The following RAI14 variants were observed in gnomAD, a reference collection of about 807,000 sequenced individuals.
The protein encoded by RAI14 is ankycorbin.
A neutral mutation model predicts 115.4 loss-of-function variants in RAI14; 45 were observed. The ratio of observed to expected loss-of-function variants is 0.39; its 90% CI spans 0.31 to 0.50. RAI14 has a LOEUF of 0.50. Ranked by LOEUF, RAI14 falls within the 20% of genes least tolerant of loss-of-function variation. The pLI is 0.85. For synonymous variants in RAI14, 371 were observed against 415.4 expected (o/e 0.89, Z 1.30); for missense variants, 939 against 1,131.2 (o/e 0.83, Z 2.44).
chr5:34,786,725 C>T (rs571565346), intron 3 of RAI14, among the ~76,000 whole-genome samples: 9 of 152,096 alleles, frequency 5.9e-5, no homozygotes, highest in Non-Finnish European at 1.2e-4. Context: ...TGGGTTTGAG[C>T]CTCCACGTTG....
chr5:34,819,556 G>T (rs1756617426), intron 13 of RAI14, among the ~76,000 whole-genome samples: 1 of 152,114 alleles, frequency 6.6e-6, no homozygotes, highest in South Asian at 2.1e-4. Flanking sequence ...TGATCATAGG[G>T]TTTAATTCAT....
chr5:34,709,037 G>A (rs1233429321), intron 2 of RAI14, among the ~76,000 whole-genome samples: 1 of 151,356 alleles, frequency 6.6e-6, no homozygotes, highest in Non-Finnish European at 1.5e-5. Flanking sequence ...TAGCTAGGCG[G>A]GAGGAATGCT....
intron 2 of RAI14, among the ~76,000 whole-genome samples, chr5:34,702,934 G>C (rs954324486): frequency 9.2e-5 from 14 of 152,178 alleles, no homozygotes; most frequent in African/African-American, 2.4e-5. Flanking sequence ...TCGAACTCCT[G>C]ACCTCAGGTG....
chr5:34,779,096 C>T (rs1751274026), intron 3 of RAI14, among the ~76,000 whole-genome samples: 1 of 152,090 alleles, frequency 6.6e-6, no homozygotes, highest in Non-Finnish European at 1.5e-5. Flanking sequence ...TGTAATCCAT[C>T]ATATAAACAG....
At chr5:34,671,552 T>G (rs2149856224) in intron 1 of RAI14, among the ~76,000 whole-genome samples, 1 of 152,268 alleles carries the variant, frequency 6.6e-6, no homozygotes, top group South Asian at 2.1e-4. Flanking sequence ...GGGAAAAATC[T>G]TAATCATTAC....
intron 2 of RAI14, among the ~76,000 whole-genome samples, chr5:34,720,018 G>A (rs1223395481): frequency 6.6e-6 from 1 of 152,020 alleles, no homozygotes; most frequent in Non-Finnish European, 1.5e-5. Flanking sequence ...AATAATTATA[G>A]AAAAAGTTGT....
chr5:34,670,832 A>ATTAACAAGGT (rs1743561200), intron 1 of RAI14, among the ~76,000 whole-genome samples: 1 of 152,180 alleles, frequency 6.6e-6, no homozygotes, highest in Admixed American at 6.5e-5. Flanking sequence ...CCTCAGTCTC[A>ATTAACAAGGT]CCAGAGAACT....
At chr5:34,826,566 G>A (rs1757474187) in intron 16 of RAI14, 87 bp downstream of exon 16, 1 of 1,471,290 alleles carries the variant, frequency 6.8e-7, no homozygotes, top group Non-Finnish European at 9.1e-7. Flanking sequence ...AAGTGGGCGT[G>A]AACAAAAAGA....
At chr5:34,689,820 A>G (rs958222513) in intron 2 of RAI14, among the ~76,000 whole-genome samples, 2 of 152,128 alleles carry the variant, frequency 1.3e-5, no homozygotes, top group Non-Finnish European at 2.9e-5. Context: ...TGTGGTGAGC[A>G]AGAGATCACG....
chr5:34,826,580 C>T (rs1447232438), intron 16 of RAI14, 101 bp downstream of exon 16: 12 of 1,423,442 alleles, frequency 8.4e-6, no homozygotes, highest in Non-Finnish European at 1.1e-5. Context: ...AAAAAGATTC[C>T]CAGCCCAAAG....
At chr5:34,761,570 T>C (rs1748655117) in intron 3 of RAI14, among the ~76,000 whole-genome samples, 1 of 152,164 alleles carries the variant, frequency 6.6e-6, no homozygotes, top group East Asian at 1.9e-4. Flanking sequence ...TTCAAGGTCT[T>C]TCCTCTGGCT....
At chr5:34,828,925 T>C (rs748239222) in intron 16 of RAI14, among the ~76,000 whole-genome samples, 26 of 152,156 alleles carry the variant, frequency 1.7e-4, no homozygotes, top group Non-Finnish European at 3.4e-4. Flanking sequence ...AATAATAGGC[T>C]TTAAAAATTA....
In RAI14 at chr5:34,757,497, G is replaced by A; in HGVS notation, c.66G>A (p.Arg22=). The A allele has an allele frequency of 6.2e-7, 1 of 1,613,856 alleles. No individual in the cohort carries two copies. Among genetic ancestry groups the A allele is most frequent in the South Asian group, 1.1e-5 (1 of 91,056 alleles). The change falls in exon 3 of 18, where the codon CGG becomes CGA. Residue 22 remains arginine (R), a synonymous_variant. Transcript: ENST00000265109. ...ATGAGTGGAACAAGAATGATGACCGGCTACTGCAGGCCGTGGAGAATGGAG... is the reference window on the plus strand; with the variant it reads ...ATGAGTGGAACAAGAATGATGACCGACTACTGCAGGCCGTGGAGAATGGAG... ...DTNEWNKNDD[R]LLQAVENGDA...
chr5:34,665,097 A>ATATATGTG (rs532722437), intron 1 of RAI14, among the ~76,000 whole-genome samples: 1 of 42,194 alleles, frequency 2.4e-5, no homozygotes, highest in African/African-American at 7.2e-5. Flanking sequence ...ATATGTGTAT[A>ATATATGTG]TATATGTGTA....
intron 3 of RAI14, among the ~76,000 whole-genome samples, chr5:34,768,304 C>T (rs1457724200): frequency 6.6e-6 from 1 of 152,092 alleles, no homozygotes; most frequent in Non-Finnish European, 1.5e-5. Flanking sequence ...TAATAAGAAA[C>T]AATTCCTTTC....
chr5:34,824,311 G>T lies in RAI14; in HGVS notation c.2469G>T (p.Gln823His), dbSNP rs139761677. 1.9e-6 allele frequency: 3 copies of T among 1,614,060 alleles called. No individual in the cohort carries two copies. Among genetic ancestry groups the T allele is most frequent in the African/African-American group, 2.7e-5 (2 of 74,926 alleles). ...AGAAGGTCCATTCAGAGGTTGTCCA[G>T]ATTAGAAGTGAGGTCTCACAGGTGA... Reference protein sequence around the residue: ...EKEKVHSEVVQIRSEVSQVKR... With the variant: ...EKEKVHSEVVHIRSEVSQVKR... Residue 823 changes from glutamine to histidine, a missense_variant, in exon 15 of 18, where the codon CAG (glutamine) becomes CAT (histidine). Physicochemically the swap from Gln to His is conservative, Grantham distance 24. Transcript: ENST00000265109.
chr5:34,662,196 G>A (rs1387410825), intron 1 of RAI14, among the ~76,000 whole-genome samples: 1 of 152,096 alleles, frequency 6.6e-6, no homozygotes, highest in African/African-American at 2.4e-5. Context: ...TTTTTGGAGG[G>A]GGAGGAGGGA....
At chr5:34,830,063 G>T (rs990476969) in intron 17 of RAI14, among the ~76,000 whole-genome samples, 1 of 152,056 alleles carries the variant, frequency 6.6e-6, no homozygotes, top group Non-Finnish European at 1.5e-5. Context: ...TCGCCTCACT[G>T]CAGCCTCGAC....
intron 2 of RAI14, among the ~76,000 whole-genome samples, chr5:34,757,122 G>A (rs1268598075): frequency 1.3e-5 from 2 of 152,208 alleles, no homozygotes; most frequent in African/African-American, 4.8e-5. Context: ...CCAACGTGCT[G>A]AGGAGCAGCT....
Sources: gnomAD v4.1 joint callset for allele counts (sites outside exome capture counted in the v4.1 genomes callset) on GRCh38, gnomAD v4.1.1 for gene constraint, MANE v1.5 for transcripts, NCBI Gene and HGNC (gene_info 2026-07-23, HGNC 2026-07-21) for gene names.